Variants in TIGD4 observed in about 807,000 individuals in gnomAD.
TIGD4 encodes tigger transposable element-derived protein 4.
In TIGD4, 20 loss-of-function variants were observed where a neutral mutation model predicts 24.9. The observed-to-expected ratio is 0.80, with a 90% CI of 0.56 to 1.17. The LOEUF is 1.17. Among genes scored for constraint, TIGD4 ranks in the 50% most tolerant of loss-of-function variants. The pLI is 0.00. For synonymous variants in TIGD4, 193 were observed against 211.0 expected (o/e 0.91, Z 0.74); for missense variants, 566 against 591.0 (o/e 0.96, Z 0.44).
intron 1 of TIGD4, 110 bp downstream of exon 1, chr4:152,779,372 G>C (rs1385732107): frequency 6.6e-6 from 1 of 152,260 alleles, no homozygotes; most frequent in Non-Finnish European, 1.5e-5. Context: ...TCTGAAGGGA[G>C]AGGGCTCCCC....
chr4:152,778,242 C>T (rs1730296576), intron 1 of TIGD4, among the ~76,000 whole-genome samples: 1 of 152,140 alleles, frequency 6.6e-6, no homozygotes, highest in Non-Finnish European at 1.5e-5. Context: ...AGACAGCTAG[C>T]AGGAATCTTT....
At chr4:152,776,307 G>A (rs1363452940) in intron 1 of TIGD4, among the ~76,000 whole-genome samples, 3 of 151,928 alleles carry the variant, frequency 2.0e-5, no homozygotes, top group African/African-American at 7.3e-5. Context: ...TTCTCTCTAG[G>A]TAAATGAATT....
chr4:152,775,955 T>A (rs964526969), intron 1 of TIGD4, among the ~76,000 whole-genome samples: 88 of 152,330 alleles, frequency 5.8e-4, no homozygotes, highest in African/African-American at 2.1e-3. Context: ...CCTGCATTGC[T>A]ATATAATTAC....
rs1730234203 is a variant in TIGD4 at position 152,774,742 on chromosome 4, A to G, written c.-538-3200T>C. Among the ~76,000 whole-genome samples, 5 of 152,194 alleles carry G rather than the reference A, an allele frequency of 3.3e-5. No homozygotes were observed. In the South Asian group the frequency reaches 1.0e-3, roughly 31 times the overall value. ...AAAACATAATCTTCTTTTAAAAAAA[A>G]CATTTTTGTTTTTGCCTATCAGAAT... On this transcript the variant is annotated intron_variant, in intron 1 of 1. Coordinates refer to ENST00000304337, the MANE Select transcript of TIGD4 (RefSeq NM_145720.4).
At chr4:152,776,060 T>C (rs1169746272) in intron 1 of TIGD4, among the ~76,000 whole-genome samples, 1 of 152,172 alleles carries the variant, frequency 6.6e-6, no homozygotes, top group African/African-American at 2.4e-5. Flanking sequence ...AAAGAGAATA[T>C]TTAATGATAT....
Position 152,770,620 on chromosome 4 carries a change from T to C in TIGD4, c.385A>G (p.Ser129Gly), listed in dbSNP as rs1033108643. ...TTAAAACGATCCAGCCAACCATTAC[T>C]GCACTTAAAATCATTATGGCCCAGT... ...QKLGHNDFKC[S>G]NGWLDRFKSR... The change falls in exon 2 of 2, where the codon AGT becomes GGT. Residue 129 changes from serine to glycine, a missense_variant. Transcript: ENST00000304337. The C allele has an allele frequency of 6.2e-7, 1 of 1,604,390 alleles. No individual in the cohort carries two copies. Among genetic ancestry groups the C allele is most frequent in the Non-Finnish European group, 8.5e-7 (1 of 1,176,656 alleles).
Position 152,769,885 on chromosome 4 carries a change from T to C in TIGD4, c.1120A>G (p.Ser374Gly). The change falls in exon 2 of 2, where the codon AGC becomes GGC. Residue 374 changes from serine to glycine, a missense_variant. Ser to Gly is a moderately conservative substitution (Grantham distance 56). Transcript: ENST00000304337. ...GATTTGAATCCTGCCTCTTCATAGC[T>C]TTTAACAATAGTCTCTGGGGTTACA... Reference protein sequence around the residue: ...RAVTPETIVKSYEEAGFKSQK... With the variant: ...RAVTPETIVKGYEEAGFKSQK... The C allele has an allele frequency of 6.2e-7, 1 of 1,613,636 alleles. No individual in the cohort carries two copies. Among genetic ancestry groups the C allele is most frequent in the Non-Finnish European group, 8.5e-7 (1 of 1,179,644 alleles).
Position 152,770,500 on chromosome 4 carries a change from A to C in TIGD4, c.505T>G (p.Tyr169Asp). The C allele has an allele frequency of 6.2e-7, 1 of 1,611,632 alleles. No individual in the cohort carries two copies. Among genetic ancestry groups the C allele is most frequent in the South Asian group, 1.1e-5 (1 of 90,556 alleles). The change falls in exon 2 of 2, where the codon TAT (tyrosine) becomes GAT (aspartate). Residue 169 changes from tyrosine to aspartate, a missense_variant. By Grantham distance (160) the Tyr-to-Asp change is radical. Coordinates refer to ENST00000304337, the MANE Select transcript of TIGD4 (RefSeq NM_145720.4). ...STVWYQNVLP[Y>D]YLNDYHPKNV... ...TTAGGATGATAATCATTTAAATAAT[A>C]AGGAAGTACATTTTGGTACCAGACA...
In TIGD4 at chr4:152,770,562, G is replaced by T. The variant is rs1221428088; in HGVS notation, c.443C>A (p.Pro148His). ...TACTGGTACACCTGTAGCTTCTACA[G>T]GTTGAGCTCTGAATACTAAACCATA... ...SRYGLVFRAQ[P>H]VEATGVPVDP... is the part of the protein sequence containing the mutation. The change falls in exon 2 of 2, where the codon CCT (proline) becomes CAT (histidine). Residue 148 changes from proline to histidine, a missense_variant. Physicochemically the swap from Pro to His is moderately conservative, Grantham distance 77. Transcript: ENST00000304337. 2.5e-6 allele frequency: 4 copies of T among 1,612,314 alleles called. No homozygotes were observed. The highest frequency in any genetic ancestry group is 1.1e-5 in the South Asian group (1 of 90,828).
chr4:152,774,576 G>A (rs1471951358), intron 1 of TIGD4, among the ~76,000 whole-genome samples: 1 of 152,122 alleles, frequency 6.6e-6, no homozygotes, highest in Non-Finnish European at 1.5e-5. Context: ...GCAGAGAAAT[G>A]CTATTCTACA....
Position 152,769,624 on chromosome 4 carries a change from C to A in TIGD4, c.1381G>T (p.Gly461Ter). The change falls in exon 2 of 2, where the codon GGA (glycine) becomes TGA (stop). Residue 461 changes from glycine to a stop codon, truncating the protein, a stop_gained. Coordinates refer to ENST00000304337, the MANE Select transcript of TIGD4 (RefSeq NM_145720.4). LOFTEE classifies it high-confidence loss of function. ...FYTSDEEDDD[G>*]SPGTELPLPS... ...AAAGGGAGTTCAGTTCCTGGAGATC[C>A]ATCATCATCCTCTTCATCAGAAGTG... 6.2e-7 allele frequency: 1 copy of A among 1,613,320 alleles called. No homozygotes were observed.
At position 152,769,911 on chromosome 4, in the gene TIGD4, G is replaced by C; in HGVS notation, c.1094C>G (p.Ala365Gly). The C allele has an allele frequency of 6.2e-7, 1 of 1,613,596 alleles. No homozygotes were observed. Among genetic ancestry groups the C allele is most frequent in the Non-Finnish European group, 8.5e-7 (1 of 1,179,646 alleles). Residue 365 changes from alanine (A) to glycine (G), a missense_variant, in exon 2 of 2, where the codon GCT becomes GGT. Physicochemically the swap from Ala to Gly is moderately conservative, Grantham distance 60. Transcript: ENST00000304337. ...TTTAACAATAGTCTCTGGGGTTACA[G>C]CCCTCCAGCAAAGATGCAATGTATC... ...AVDTLHLCWRAVTPETIVKSY... is the reference protein window; with the variant it reads ...AVDTLHLCWRGVTPETIVKSY...
Position 152,769,905 on chromosome 4 carries a change from G to A in TIGD4, c.1100C>T (p.Thr367Ile), listed in dbSNP as rs546047976. ...DTLHLCWRAV[T>I]PETIVKSYEE... Reference sequence around the variant, plus strand: ...ATAGCTTTTAACAATAGTCTCTGGGGTTACAGCCCTCCAGCAAAGATGCAA... The same window carrying A: ...ATAGCTTTTAACAATAGTCTCTGGGATTACAGCCCTCCAGCAAAGATGCAA... The change falls in exon 2 of 2, where the codon ACC becomes ATC. Residue 367 changes from threonine to isoleucine, a missense_variant. Thr to Ile is a moderately conservative substitution (Grantham distance 89). Transcript: ENST00000304337. 1 of 1,613,598 alleles carries A rather than the reference G, an allele frequency of 6.2e-7. No individual in the cohort carries two copies. The highest frequency in any genetic ancestry group is 8.5e-7 in the Non-Finnish European group (1 of 1,179,680).
Position 152,770,389 on chromosome 4 carries a change from C to A in TIGD4, c.616G>T (p.Val206Phe), listed in dbSNP as rs1239148382. Residue 206 changes from valine (V) to phenylalanine (F), a missense_variant, in exon 2 of 2, where the codon GTT becomes TTT. By Grantham distance (50) the Val-to-Phe change is conservative. Coordinates refer to ENST00000304337, the MANE Select transcript of TIGD4 (RefSeq NM_145720.4). The stretch of plus-strand genomic sequence containing the variant: ...ATTCTGTCTTTGCATAACTTTCCAA[C>A]TGAACATGTTTCGCCTTTAAATGCA... ...TFAFKGETCS[V>F]GKLCKDRITL... 1 of 1,614,144 alleles carries A rather than the reference C, an allele frequency of 6.2e-7. No individual in the cohort carries two copies. Among genetic ancestry groups the A allele is most frequent in the Admixed American group, 1.7e-5 (1 of 60,026 alleles).
At chr4:152,774,565 A>C (rs1730231371) in intron 1 of TIGD4, among the ~76,000 whole-genome samples, 1 of 152,228 alleles carries the variant, frequency 6.6e-6, no homozygotes, top group East Asian at 1.9e-4. Context: ...AAAATATTAC[A>C]GCAGAGAAAT....
chr4:152,769,507 CT>C lies in TIGD4; in HGVS notation c.1497del (p.Ala500GlnfsTer20). 6.3e-7 allele frequency: 1 copy of C among 1,580,520 alleles called. No individual in the cohort carries two copies. The highest frequency in any genetic ancestry group is 8.6e-7 in the Non-Finnish European group (1 of 1,165,412). ...QDMNDGLQNS[L>X]ADLENFINSL... ...GAGTTAATAAAATTTTCAAGGTCTG[CT>C]AAAGAATTTTGAAGTCCGTCATTCA... On this transcript the variant is annotated frameshift_variant, in exon 2 of 2. Coordinates refer to ENST00000304337, the MANE Select transcript of TIGD4 (RefSeq NM_145720.4). LOFTEE classifies it high-confidence loss of function.
Position 152,769,437 on chromosome 4 carries a change from C to T in TIGD4, c.*29G>A. The T allele has an allele frequency of 2.9e-6, 4 of 1,400,128 alleles. No homozygotes were observed. The highest frequency in any genetic ancestry group is 3.8e-6 in the Non-Finnish European group (4 of 1,039,920). 86.7% of individuals were successfully genotyped at this position (1,400,128 alleles called of 1,614,324 possible). A position where few individuals can be genotyped will look rare whatever the true frequency, so the allele number is the denominator to read the frequency against. On this transcript the variant is annotated 3_prime_UTR_variant, in exon 2 of 2. Coordinates refer to ENST00000304337, the MANE Select transcript of TIGD4 (RefSeq NM_145720.4). ...ATATAATAAAATGTATCAGGAAAAG[C>T]TATTACTCTTTAGATGTACAATACA...
Position 152,770,882 on chromosome 4 carries a change from C to A in TIGD4, c.123G>T (p.Glu41Asp). Residue 41 changes from glutamate (E) to aspartate (D), a missense_variant, in exon 2 of 2, where the codon GAG becomes GAT. Physicochemically the swap from Glu to Asp is conservative, Grantham distance 45. Transcript: ENST00000304337. ...NAVESGKKKAEIAAEYGIKKN... is the reference protein window; with the variant it reads ...NAVESGKKKADIAAEYGIKKN... ...TCTTTATTCCATATTCAGCAGCAAT[C>A]TCTGCTTTTTTCTTGCCACTTTCCA... The A allele has an allele frequency of 6.2e-7, 1 of 1,613,872 alleles. No homozygotes were observed. Among genetic ancestry groups the A allele is most frequent in the Non-Finnish European group, 8.5e-7 (1 of 1,179,882 alleles).
chr4:152,776,650 G>T (rs1159575055), intron 1 of TIGD4, among the ~76,000 whole-genome samples: 1 of 152,182 alleles, frequency 6.6e-6, no homozygotes, highest in Admixed American at 6.5e-5. Flanking sequence ...ATTACCCTAA[G>T]TAGCAGGAGT....
Sources: allele counts gnomAD v4.1 joint callset (sites outside exome capture counted in the v4.1 genomes callset), GRCh38; gene constraint gnomAD v4.1.1; transcripts MANE v1.5; gene names NCBI Gene and HGNC (gene_info 2026-07-23, HGNC 2026-07-21).